Variants in KIAA1210 observed in about 807,000 individuals in gnomAD.
KIAA1210 encodes acrosomal protein KIAA1210.
Under a neutral mutation model 78.9 loss-of-function variants are expected in KIAA1210, and 48 were observed. That is an observed-to-expected ratio of 0.61 (90% confidence interval 0.48 to 0.77). The LOEUF is 0.77. KIAA1210 is among the 30% of genes least tolerant of loss of function. The pLI, the probability that KIAA1210 is intolerant of heterozygous loss-of-function variation, is 0.00. For synonymous variants in KIAA1210, 406 were observed against 404.5 expected (o/e 1.00, Z -0.04); for missense variants, 1,108 against 1,100.0 (o/e 1.01, Z -0.10).
rs200266580 is a variant in KIAA1210 at position 119,087,389 on chromosome X, C to T, written c.3313G>A (p.Ala1105Thr). The change falls in exon 9 of 12, where the codon GCT becomes ACT. Residue 1105 changes from alanine to threonine, a missense_variant. Coordinates refer to ENST00000691062, the MANE Select transcript of KIAA1210 (RefSeq NM_001394962.1). Reference protein sequence around the residue: ...PQKVFSYSERAPGKCSSFKEQ... With the variant: ...PQKVFSYSERTPGKCSSFKEQ... ...TTAAAACTGCTGCACTTCCCAGGAG[C>T]TCTCTCTGAATAAGAGAAAACTTTC... 1 of 1,209,763 alleles carries T rather than the reference C, an allele frequency of 8.3e-7. No homozygotes were observed. The highest frequency in any genetic ancestry group is 1.7e-5 in the African/African-American group (1 of 57,241).
intron 8 of KIAA1210, among the ~76,000 whole-genome samples, chrX:119,092,000 C>T (rs1389342151): frequency 8.9e-6 from 1 of 111,737 alleles, no homozygotes; most frequent in East Asian, 2.8e-4. Context: ...ATGTACATTA[C>T]TCTAATGACA....
At position 119,080,221 on chromosome X, in the gene KIAA1210, G is replaced by A. The variant is rs1281781385; in HGVS notation, c.*1108C>T. On this transcript the variant is annotated 3_prime_UTR_variant, in exon 12 of 12. Coordinates refer to ENST00000691062, the MANE Select transcript of KIAA1210 (RefSeq NM_001394962.1). ...ATGGACTAACCCTCCAGAGGAGTAAGATAATTCCCAAGAAGCATTCTGCGT... is the reference window on the plus strand; with the variant it reads ...ATGGACTAACCCTCCAGAGGAGTAAAATAATTCCCAAGAAGCATTCTGCGT... 1 of 111,903 alleles carries A rather than the reference G, an allele frequency of 8.9e-6. No homozygotes were observed. The highest frequency in any genetic ancestry group is 3.3e-5 in the African/African-American group (1 of 30,761). 9.2% of individuals were successfully genotyped at this position (111,903 alleles called of 1,213,427 possible). A position where few individuals can be genotyped will look rare whatever the true frequency, so the allele number is the denominator to read the frequency against.
rs369435217 is a variant in KIAA1210, at chrX:119,105,006, A to G, written c.634T>C (p.Leu212=). ...PQKKALPHKS[L]TATQSFSELS... Reference sequence around the variant, plus strand: ...TATATACTCACCTGAGTCGCTGTCAAACTCTTATGTGGTAAAGCCTTCTTT... The same window carrying G: ...TATATACTCACCTGAGTCGCTGTCAGACTCTTATGTGGTAAAGCCTTCTTT... Residue 212 remains leucine, a synonymous_variant, in exon 6 of 12, where the codon TTG becomes CTG. Transcript: ENST00000691062. 2.5e-6 allele frequency: 3 copies of G among 1,207,046 alleles called. No homozygotes were observed. Among genetic ancestry groups the G allele is most frequent in the African/African-American group, 1.8e-5 (1 of 56,841 alleles).
At chrX:119,082,934 A>G (rs1026368921) in intron 11 of KIAA1210, 81 bp downstream of exon 11, 1 of 587,310 alleles carries the variant, frequency 1.7e-6, no homozygotes, top group East Asian at 3.3e-5. Context: ...AGAGACAAGT[A>G]TTATCTGAGC....
chrX:119,095,635 G>A (rs1411236901), intron 7 of KIAA1210, among the ~76,000 whole-genome samples: 6 of 111,844 alleles, frequency 5.4e-5, no homozygotes, highest in South Asian at 3.7e-4. Flanking sequence ...TGATCCGCCC[G>A]CCTTGGCCTC....
intron 1 of KIAA1210, among the ~76,000 whole-genome samples, chrX:119,148,497 G>T (rs1306333123): frequency 8.9e-6 from 1 of 111,781 alleles, no homozygotes; most frequent in African/African-American, 3.3e-5. Flanking sequence ...TTCTATACTT[G>T]TGCAATATGG....
chrX:119,104,963 C>T (rs1440398680), intron 6 of KIAA1210, 29 bp downstream of exon 6: 2 of 1,187,062 alleles, frequency 1.7e-6, no homozygotes, highest in Admixed American at 4.6e-5. Context: ...CTGTGAGGCC[C>T]CTCAACCTGT....
intron 2 of KIAA1210, among the ~76,000 whole-genome samples, chrX:119,136,491 A>G (rs948593838): frequency 9.0e-6 from 1 of 111,322 alleles, no homozygotes; most frequent in Non-Finnish European, 1.9e-5. Flanking sequence ...AGGAGGGGTG[A>G]TGCTGATGTC....
chrX:119,132,482 T>C (rs1233078047), upstream of KIAA1210, among the ~76,000 whole-genome samples: 9 of 111,141 alleles, frequency 8.1e-5, no homozygotes, highest in East Asian at 2.6e-3. Context: ...AGCACTTCTT[T>C]ACGAAGAACT....
intron 1 of KIAA1210, among the ~76,000 whole-genome samples, chrX:119,125,321 C>T (rs1356881968): frequency 9.0e-6 from 1 of 110,692 alleles, no homozygotes; most frequent in African/African-American, 3.3e-5. Context: ...AATGCACATA[C>T]CTTTTGATCC....
At position 119,109,184 on chromosome X, in the gene KIAA1210, C is replaced by T; in HGVS notation, c.249G>A (p.Gly83=). 2.5e-6 allele frequency: 3 copies of T among 1,202,940 alleles called. No individual in the cohort carries two copies. The highest frequency in any genetic ancestry group is 1.8e-5 in the South Asian group (1 of 55,346). ...PTKARAKSSM[G]SKALSHDSIF... ...TGCTATCATGGGATAGGGCTTTGCT[C>T]CCCATGCTGCTCTTGGCCCTGGACA... The change falls in exon 4 of 12, where the codon GGG becomes GGA. Residue 83 remains glycine (G), a synonymous_variant. Coordinates refer to ENST00000691062, the MANE Select transcript of KIAA1210 (RefSeq NM_001394962.1).
Position 119,081,362 on chromosome X carries a change from T to A in KIAA1210, c.4569A>T (p.Lys1523Asn). 8.3e-7 allele frequency: 1 copy of A among 1,207,702 alleles called. No individual in the cohort carries two copies. Among genetic ancestry groups the A allele is most frequent in the Non-Finnish European group, 1.1e-6 (1 of 893,580 alleles). ...VWFSLARKKA[K>N]AWSHMAEITQ ...TGATTTCTGCCATGTGGCTCCATGCTTTGGCTTTCTTCCTGGCCAGTGAGA... is the reference window on the plus strand; with the variant it reads ...TGATTTCTGCCATGTGGCTCCATGCATTGGCTTTCTTCCTGGCCAGTGAGA... The change falls in exon 12 of 12, where the codon AAA (lysine) becomes AAT (asparagine). Residue 1523 changes from lysine to asparagine, a missense_variant. This residue lies in a region of KIAA1210 where 245 missense variants were observed against 278.8 expected (regional missense o/e 0.88). Transcript: ENST00000691062.
At chrX:119,115,814 T>A (rs943538146) in intron 3 of KIAA1210, among the ~76,000 whole-genome samples, 2 of 111,945 alleles carry the variant, frequency 1.8e-5, no homozygotes, top group African/African-American at 6.5e-5. Flanking sequence ...TGTGGAAATT[T>A]GGGCACTGCA....
At chrX:119,119,146 C>T (rs1039366111) in intron 2 of KIAA1210, among the ~76,000 whole-genome samples, 15 of 112,494 alleles carry the variant, frequency 1.3e-4, no homozygotes, top group Admixed American at 5.7e-4. Context: ...TATGATCTGG[C>T]ATGTAGTAAG....
chrX:119,094,072 T>C, intron 7 of KIAA1210: 6 of 1,203,207 alleles, frequency 5.0e-6, no homozygotes, highest in Non-Finnish European at 6.8e-6. Flanking sequence ...TGGAAATGAC[T>C]GAACCACACT....
chrX:119,150,316 C>T (rs757155249), exon 1 of KIAA1210: 10 of 1,204,720 alleles, frequency 8.3e-6, no homozygotes, highest in South Asian at 1.8e-5. Context: ...TAGGGAATCG[C>T]GGTGTGCAGG....
intron 8 of KIAA1210, among the ~76,000 whole-genome samples, chrX:119,091,692 G>T (rs1190357801): frequency 8.9e-6 from 1 of 111,846 alleles, no homozygotes. Flanking sequence ...GAGAATAGCT[G>T]ACTGTGCTCC....
intron 4 of KIAA1210, 120 bp downstream of exon 4, chrX:119,108,956 G>C (rs1927983591): frequency 2.9e-6 from 2 of 698,155 alleles, no homozygotes; most frequent in South Asian, 2.8e-5. Context: ...CAGCCCTGTG[G>C]GGGTAGGATC....
At chrX:119,116,437 A>G in intron 3 of KIAA1210, 59 bp downstream of exon 3, 1 of 1,132,199 alleles carries the variant, frequency 8.8e-7, no homozygotes, top group Non-Finnish European at 1.2e-6. Flanking sequence ...AAGGTGACCT[A>G]GATCCAACTG....
Sources: allele counts gnomAD v4.1 joint callset (sites outside exome capture counted in the v4.1 genomes callset), GRCh38; gene constraint gnomAD v4.1.1; regional missense constraint gnomAD v4.1.1; transcripts MANE v1.5; gene names NCBI Gene and HGNC (gene_info 2026-07-23, HGNC 2026-07-21).